PSAT1: variants seen among roughly 807,000 people sequenced by gnomAD.
PSAT1 encodes the protein phosphoserine aminotransferase 1, also known as phosphoserine aminotransferase.
In PSAT1, 41 loss-of-function variants were observed where a neutral mutation model predicts 40.3. That is an observed-to-expected ratio of 1.02 (90% CI 0.79 to 1.32). The LOEUF (loss-of-function observed/expected upper bound fraction) is 1.32, where lower values mean the gene tolerates loss of function less well. PSAT1 is among the 40% of genes most tolerant of loss of function. The pLI is 0.00. For synonymous variants in PSAT1, 147 were observed against 170.5 expected (o/e 0.86, Z 1.07); for missense variants, 406 against 455.8 (o/e 0.89, Z 0.99).
rs754760570 is a variant in PSAT1 at position 78,304,733 on chromosome 9, A to C, written c.192-2A>C. 1 of 1,612,198 alleles carries C rather than the reference A, an allele frequency of 6.2e-7. No homozygotes were observed. Among genetic ancestry groups the C allele is most frequent in the Admixed American group, 1.7e-5 (1 of 60,028 alleles). ...TTGACTGTTACCTATGCTTCTGCCC[A>C]GAGCTGTTCCAGACAACTATAAGGT... On this transcript the variant is annotated splice_acceptor_variant, in intron 3 of 8. Transcript: ENST00000376588. LOFTEE classifies it high-confidence loss of function.
chr9:78,301,866 T>A, intron 2 of PSAT1, 88 bp from the exon 3 acceptor site: 1 of 1,018,924 alleles, frequency 9.8e-7, no homozygotes, highest in African/African-American at 1.6e-5. Flanking sequence ...CCCTGTATTG[T>A]TGTTTACTTG....
chr9:78,301,905 G>T lies in PSAT1; in HGVS notation c.122-49G>T, dbSNP rs368603587. The T allele has an allele frequency of 1.2e-5, 17 of 1,409,660 alleles. No homozygotes were observed. The Admixed American group carries it at 1.7e-4, about 14-fold the overall frequency. The allele number at this position is 1,409,660 out of a possible 1,614,324, so 87.3% of individuals were successfully genotyped here. A position where few individuals can be genotyped will look rare whatever the true frequency, so the allele number is the denominator to read the frequency against. On this transcript the variant is annotated intron_variant, in intron 2 of 8. Coordinates refer to ENST00000376588, the MANE Select transcript of PSAT1 (RefSeq NM_058179.4). ...ATTTCGTAGGTATTTCTGTTCATTT[G>T]GTTTTGAGCTGGAATATTTGTTATT...
intron 6 of PSAT1, among the ~76,000 whole-genome samples, chr9:78,316,515 C>T (rs975225915): frequency 1.6e-4 from 25 of 152,284 alleles, no homozygotes; most frequent in Non-Finnish European, 3.2e-4. Flanking sequence ...ACTCTTTCTC[C>T]CCACACCCAA....
chr9:78,314,618 C>T (rs1030202120), intron 6 of PSAT1, among the ~76,000 whole-genome samples: 1 of 152,142 alleles, frequency 6.6e-6, no homozygotes, highest in African/African-American at 2.4e-5. Context: ...CTTCATAGAG[C>T]CAAGTTATGG....
chr9:78,327,112 C>T (rs941835032), intron 7 of PSAT1, among the ~76,000 whole-genome samples: 2 of 149,404 alleles, frequency 1.3e-5, no homozygotes, highest in Non-Finnish European at 1.5e-5. Flanking sequence ...TGTGCCAGCA[C>T]GCCCAGCTAA....
chr9:78,297,708 G>C (rs1828046903), intron 1 of PSAT1, among the ~76,000 whole-genome samples: 1 of 152,222 alleles, frequency 6.6e-6, no homozygotes, highest in South Asian at 2.1e-4. Flanking sequence ...TGCATGAATG[G>C]ACATAGTGTG....
At chr9:78,298,283 C>G in intron 1 of PSAT1, 1 of 985,284 alleles carries the variant, frequency 1.0e-6, no homozygotes, top group Non-Finnish European at 1.2e-6. Context: ...TTTTTCTAAC[C>G]AGGATAGAGC....
intron 1 of PSAT1, among the ~76,000 whole-genome samples, chr9:78,298,139 C>T (rs1828054239): frequency 1.3e-5 from 2 of 152,202 alleles, no homozygotes; most frequent in African/African-American, 2.4e-5. Flanking sequence ...TCTCTGCCTT[C>T]CCAGGCCCCA....
At chr9:78,327,512 C>G (rs1013869952) in intron 7 of PSAT1, among the ~76,000 whole-genome samples, 3 of 152,126 alleles carry the variant, frequency 2.0e-5, no homozygotes, top group Non-Finnish European at 4.4e-5. Context: ...CTCTATTATT[C>G]CCACTGTTCA....
intron 7 of PSAT1, among the ~76,000 whole-genome samples, chr9:78,318,154 T>C (rs1828376823): frequency 1.3e-5 from 2 of 152,204 alleles, no homozygotes; most frequent in Non-Finnish European, 1.5e-5. Flanking sequence ...CTTTCTGAAA[T>C]GTGTCAATTT....
chr9:78,315,390 A>G (rs1461029640), intron 6 of PSAT1, among the ~76,000 whole-genome samples: 1 of 152,218 alleles, frequency 6.6e-6, no homozygotes, highest in Non-Finnish European at 1.5e-5. Context: ...CCCGAGGATT[A>G]TTGTGATCAA....
chr9:78,312,386 T>C (rs1828280791), intron 6 of PSAT1, among the ~76,000 whole-genome samples: 1 of 152,150 alleles, frequency 6.6e-6, no homozygotes, highest in South Asian at 2.1e-4. Context: ...CCATTAATCT[T>C]AGGCCACCTG....
At chr9:78,302,281 A>C (rs150291036) in intron 3 of PSAT1, among the ~76,000 whole-genome samples, 130 of 152,314 alleles carry the variant, frequency 8.5e-4, no homozygotes, top group Non-Finnish European at 1.7e-3. Flanking sequence ...ATGATTTTTC[A>C]GCACTGTGGC....
rs1587650499 is a variant in PSAT1 at position 78,329,200 on chromosome 9, G to A, written c.*114G>A. 1.3e-6 allele frequency: 1 copy of A among 775,162 alleles called. No homozygotes were observed. The highest frequency in any genetic ancestry group is 1.7e-5 in the African/African-American group (1 of 58,450). 48.0% of individuals were successfully genotyped at this position (775,162 alleles called of 1,614,324 possible). On this transcript the variant is annotated 3_prime_UTR_variant, in exon 9 of 9. Transcript: ENST00000376588. ...TTTTTCTCAAATGAACATGTTTATT[G>A]CAGATTCTTCTTTTTTGAAAGAACA... is the stretch of plus-strand genomic sequence containing the variant.
chr9:78,327,049 G>A (rs551325631), intron 7 of PSAT1, among the ~76,000 whole-genome samples: 51 of 145,774 alleles, frequency 3.5e-4, no homozygotes, highest in East Asian at 1.6e-3. Context: ...TCCACCTCCC[G>A]AGTTCAAGCA....
chr9:78,312,813 C>T (rs1236351988), intron 6 of PSAT1, among the ~76,000 whole-genome samples: 2 of 152,158 alleles, frequency 1.3e-5, no homozygotes, highest in Non-Finnish European at 1.5e-5. Context: ...GATGGGGATG[C>T]CTGGAATCCT....
chr9:78,302,087 C>T (rs1828116022), intron 3 of PSAT1, 64 bp downstream of exon 3: 8 of 1,119,904 alleles, frequency 7.1e-6, no homozygotes, highest in Non-Finnish European at 1.1e-5. Flanking sequence ...TGGATGTCTT[C>T]CAGTATTTTC....
At position 78,304,827 on chromosome 9, in the gene PSAT1, C is replaced by A. The variant is rs764639970; in HGVS notation, c.284C>A (p.Ala95Glu). ...CCCTTAAACCTCATTGGCTTGAAAG[C>A]AGGAAGGTGTGCTGACTATGTGGTG... ...AVPLNLIGLK[A>E]GRCADYVVTG... Residue 95 changes from alanine to glutamate, a missense_variant, in exon 4 of 9, where the codon GCA (alanine) becomes GAA (glutamate). By Grantham distance (107) the Ala-to-Glu change is moderately radical. Coordinates refer to ENST00000376588, the MANE Select transcript of PSAT1 (RefSeq NM_058179.4). 1.9e-6 allele frequency: 3 copies of A among 1,614,056 alleles called. No individual in the cohort carries two copies. The African/African-American group carries it at 4.0e-5, about 22-fold the overall frequency.
chr9:78,299,054 C>A (rs12335643), intron 1 of PSAT1, among the ~76,000 whole-genome samples: 44 of 145,326 alleles, frequency 3.0e-4, no homozygotes, highest in African/African-American at 1.0e-3. Flanking sequence ...GTGGGAGGAT[C>A]TCTTGAGCCC....
Sources: allele counts gnomAD v4.1 joint callset (sites outside exome capture counted in the v4.1 genomes callset), GRCh38; gene constraint gnomAD v4.1.1; transcripts MANE v1.5; gene names NCBI Gene and HGNC (gene_info 2026-07-23, HGNC 2026-07-21).